The following KIN variants were observed in gnomAD, a reference collection of about 807,000 sequenced individuals.
KIN encodes Kin17 DNA and RNA binding protein, also known as DNA/RNA-binding protein KIN17.
KIN carries 47 observed loss-of-function variants against 63.0 expected under a neutral mutation model. That is an observed-to-expected ratio of 0.75 (90% CI 0.59 to 0.95). The LOEUF is 0.95. KIN is among the 40% of genes least tolerant of loss of function. KIN has a pLI of 0.00. For missense variants in KIN, 408 were observed against 460.9 expected (o/e 0.89, Z 1.05); for synonymous variants, 160 against 157.7 (o/e 1.01, Z -0.11).
Position 7,751,903 on chromosome 10 carries a change from C to A in KIN, c.*4177G>T, listed in dbSNP as rs11255335. 5 of 29,408 alleles carry A rather than the reference C, an allele frequency of 1.7e-4. 2 individuals are homozygous for A. Among genetic ancestry groups the A allele is most frequent in the South Asian group, 1.6e-3 (2 of 1,286 alleles). 1.8% of individuals were successfully genotyped at this position (29,408 alleles called of 1,614,324 possible). A position where few individuals can be genotyped will look rare whatever the true frequency, so the allele number is the denominator to read the frequency against. On this transcript the variant is annotated 3_prime_UTR_variant, in exon 13 of 13. Coordinates refer to ENST00000379562, the MANE Select transcript of KIN (RefSeq NM_012311.4). ...ACAAAAAATTAGCCGGGCGCGGTGGCGGGCGCCTGTAGTCCCAGCTACTCG... is the reference window on the plus strand; with the variant it reads ...ACAAAAAATTAGCCGGGCGCGGTGGAGGGCGCCTGTAGTCCCAGCTACTCG...
At chr10:7,781,587 T>TACACACACACACACACACACACACAC (rs3036327) in intron 2 of KIN, among the ~76,000 whole-genome samples, 22 of 140,716 alleles carry the variant, frequency 1.6e-4, no homozygotes, top group African/African-American at 5.8e-4. Context: ...ACCCTGTCTC[T>TACACACACACACACACACACACACAC]ACACACACAC....
rs750505045 is a variant in KIN at position 7,756,056 on chromosome 10, T to C, written c.*24A>G. The C allele has an allele frequency of 1.4e-6, 2 of 1,410,356 alleles. No homozygotes were observed. Among genetic ancestry groups the C allele is most frequent in the Non-Finnish European group, 2.0e-6 (2 of 1,008,946 alleles). 87.4% of individuals were successfully genotyped at this position (1,410,356 alleles called of 1,614,324 possible). On this transcript the variant is annotated 3_prime_UTR_variant, in exon 13 of 13. Coordinates refer to ENST00000379562, the MANE Select transcript of KIN (RefSeq NM_012311.4). ...CCAATTTGATGCTTTAAGATTTTAA[T>C]GTATTGTTAACAAATTTTCAAACTC...
rs1588471958 is a variant in KIN, at chr10:7,762,459, G to A, written c.1016C>T (p.Pro339Leu). 5.0e-6 allele frequency: 8 copies of A among 1,587,788 alleles called. No individual in the cohort carries two copies. Among genetic ancestry groups the A allele is most frequent in the Non-Finnish European group, 6.9e-6 (8 of 1,159,704 alleles). Reference protein sequence around the residue: ...QTHLETVIPAPGKRILVLNGG... With the variant: ...QTHLETVIPALGKRILVLNGG... Reference sequence around the variant, plus strand: ...AAATGGTCTGCAAACAGATTTACCTGGTGCTGGAATTACTGTCTCTAAATG... The same window carrying A: ...AAATGGTCTGCAAACAGATTTACCTAGTGCTGGAATTACTGTCTCTAAATG... The change falls in exon 11 of 13, where the codon CCA (proline) becomes CTA (leucine). Residue 339 changes from proline to leucine, a missense_variant and splice_region_variant. Physicochemically the swap from Pro to Leu is moderately conservative, Grantham distance 98 (BLOSUM62 -3). Around this residue, in one of 2 missense-constraint regions of KIN, gnomAD observed 298 missense variants for 296.0 expected, o/e 1.01. Coordinates refer to ENST00000379562, the MANE Select transcript of KIN (RefSeq NM_012311.4).
intron 10 of KIN, 47 bp downstream of exon 10, chr10:7,763,676 G>A: frequency 9.6e-7 from 1 of 1,037,728 alleles, no homozygotes; most frequent in Non-Finnish European, 1.5e-6. Context: ...TTCACTCAGT[G>A]ACCCAAGCTT....
intron 8 of KIN, chr10:7,766,316 A>G (rs1835542962): frequency 2.3e-6 from 1 of 435,778 alleles, no homozygotes; most frequent in Non-Finnish European, 4.0e-6. Flanking sequence ...AAAAGTATAT[A>G]ATAAAGCAAG....
chr10:7,784,341 G>C (rs763843880), intron 1 of KIN, among the ~76,000 whole-genome samples: 12 of 152,288 alleles, frequency 7.9e-5, no homozygotes, highest in Admixed American at 3.3e-4. Context: ...CCAGCACTTT[G>C]GGAGGCCAAG....
intron 9 of KIN, 128 bp downstream of exon 9, chr10:7,765,925 A>T (rs563071719): frequency 3.6e-6 from 2 of 558,566 alleles, no homozygotes; most frequent in South Asian, 5.8e-5. Context: ...AGTCATTATA[A>T]GTTATAACTA....
At chr10:7,783,229 T>G in intron 1 of KIN, 54 bp from the exon 2 acceptor site, 1 of 928,772 alleles carries the variant, frequency 1.1e-6, no homozygotes. Context: ...AAATGGGCTC[T>G]AAATAGAAGT....
At chr10:7,782,036 C>A (rs942475579) in intron 2 of KIN, among the ~76,000 whole-genome samples, 1 of 152,088 alleles carries the variant, frequency 6.6e-6, no homozygotes. Flanking sequence ...CCAGCCTGGG[C>A]AACAAGAGCG....
In KIN at chr10:7,752,618, G is replaced by A. The variant is rs1293783445; in HGVS notation, c.*3462C>T. On this transcript the variant is annotated 3_prime_UTR_variant, in exon 13 of 13. Coordinates refer to ENST00000379562, the MANE Select transcript of KIN (RefSeq NM_012311.4). The stretch of plus-strand genomic sequence containing the variant: ...ATCCACAAAAAACCTGCGCACAGAT[G>A]TTTGTAGCAGCTTTACTCATAATTT... The A allele has an allele frequency of 5.3e-5, 8 of 152,222 alleles. No homozygotes were observed. Among genetic ancestry groups the A allele is most frequent in the Admixed American group, 5.2e-4 (8 of 15,280 alleles). 9.4% of individuals were successfully genotyped at this position (152,222 alleles called of 1,614,324 possible).
chr10:7,769,961 C>T (rs986651666), intron 7 of KIN, among the ~76,000 whole-genome samples: 14 of 152,158 alleles, frequency 9.2e-5, no homozygotes, highest in African/African-American at 3.1e-4. Context: ...GATGGAGTCT[C>T]ACTCTGTCGC....
chr10:7,779,395 G>A (rs1835851652), intron 4 of KIN, among the ~76,000 whole-genome samples: 1 of 152,206 alleles, frequency 6.6e-6, no homozygotes, highest in South Asian at 2.1e-4. Context: ...AACAGAGCGA[G>A]ACTCAGTCTC....
In KIN at chr10:7,763,751, T is replaced by C; in HGVS notation, c.890A>G (p.Lys297Arg). Reference protein sequence around the residue: ...VKIITKKLGEKYHKKKAIVKE... With the variant: ...VKIITKKLGERYHKKKAIVKE... The stretch of plus-strand genomic sequence containing the variant: ...AACAATAGCCTTTTTCTTATGATAT[T>C]TCTCTCCCAGTTTCTTGGTTATAAT... The change falls in exon 10 of 13, where the codon AAA (lysine) becomes AGA (arginine). Residue 297 changes from lysine (K) to arginine (R), a missense_variant. Lys to Arg is a conservative substitution (Grantham distance 26). Transcript: ENST00000379562. 6.8e-7 allele frequency: 1 copy of C among 1,474,254 alleles called. No individual in the cohort carries two copies. The highest frequency in any genetic ancestry group is 9.4e-7 in the Non-Finnish European group (1 of 1,067,270). The allele number at this position is 1,474,254 out of a possible 1,614,324, so 91.3% of individuals were successfully genotyped here.
At chr10:7,777,815 C>T (rs1835809446) in intron 5 of KIN, among the ~76,000 whole-genome samples, 1 of 151,600 alleles carries the variant, frequency 6.6e-6, no homozygotes, top group Non-Finnish European at 1.5e-5. Context: ...ACGAGAATCG[C>T]TTGAACCCAG....
At chr10:7,767,382 T>C (rs944772561) in intron 8 of KIN, among the ~76,000 whole-genome samples, 3 of 152,346 alleles carry the variant, frequency 2.0e-5, no homozygotes, top group African/African-American at 4.8e-5. Flanking sequence ...TGAACAGCTC[T>C]GACGTTAGAA....
intron 2 of KIN, among the ~76,000 whole-genome samples, chr10:7,781,586 C>CTACACACA (rs1472783327): frequency 2.8e-5 from 1 of 36,136 alleles, no homozygotes; most frequent in East Asian, 1.0e-3. Context: ...GACCCTGTCT[C>CTACACACA]TACACACACA....
At chr10:7,766,849 G>A (rs1303846140) in intron 8 of KIN, among the ~76,000 whole-genome samples, 6 of 151,804 alleles carry the variant, frequency 4.0e-5, no homozygotes, top group African/African-American at 1.2e-4. Flanking sequence ...CAGTGAAACC[G>A]TGTCTCTACT....
intron 5 of KIN, among the ~76,000 whole-genome samples, chr10:7,777,873 TG>T (rs1835811424): frequency 6.9e-6 from 1 of 144,606 alleles, no homozygotes; most frequent in Non-Finnish European, 1.5e-5. Flanking sequence ...CACTCCAGCC[TG>T]GGCGACAGAG....
chr10:7,775,722 A>T, intron 6 of KIN, 29 bp downstream of exon 6: 1 of 1,320,542 alleles, frequency 7.6e-7, no homozygotes. Flanking sequence ...TCTATGTTTA[A>T]AAAAAGAAAA....
Sources: allele counts gnomAD v4.1 joint callset (sites outside exome capture counted in the v4.1 genomes callset), GRCh38; gene constraint gnomAD v4.1.1; regional missense constraint gnomAD v4.1.1; transcripts MANE v1.5; gene names NCBI Gene and HGNC (gene_info 2026-07-23, HGNC 2026-07-21).